The following AKAP19 variants were observed in gnomAD, a reference collection of about 807,000 sequenced individuals.
AKAP19 encodes the protein small A-kinase anchoring protein.
the AKAP19 span, among the ~76,000 whole-genome samples, chr2:189,951,989 CA>C: frequency 1.3e-5 from 2 of 152,182 alleles, no homozygotes; most frequent in African/African-American, 2.4e-5. Context: ...ACTAAACAAA[CA>C]AACTACACAA....
At chr2:190,048,918 A>G in the AKAP19 span, among the ~76,000 whole-genome samples, 117 of 152,344 alleles carry the variant, frequency 7.7e-4, no homozygotes, top group African/African-American at 2.7e-3. Context: ...TGAATTAAAG[A>G]TTTTAAAAGT....
chr2:190,038,919 C>CT, the AKAP19 span, among the ~76,000 whole-genome samples: 542 of 126,606 alleles, frequency 4.3e-3, 15 homozygotes, highest in African/African-American at 0.019. Flanking sequence ...TCTTCTTCTT[C>CT]TTCTTCTTCT....
At chr2:190,109,631 C>T in the AKAP19 span, among the ~76,000 whole-genome samples, 6,070 of 152,220 alleles carry the variant, frequency 0.04, 406 homozygotes, top group African/African-American at 0.14. Flanking sequence ...AAATAATCAT[C>T]AAGTGCAGAG....
the AKAP19 span, among the ~76,000 whole-genome samples, chr2:189,998,148 G>A: frequency 6.6e-6 from 1 of 152,110 alleles, no homozygotes; most frequent in African/African-American, 2.4e-5. Flanking sequence ...TTTTTTGTCT[G>A]TCTTACAGAA....
At chr2:190,094,756 T>C in the AKAP19 span, among the ~76,000 whole-genome samples, 4 of 152,306 alleles carry the variant, frequency 2.6e-5, no homozygotes, top group African/African-American at 9.6e-5. Flanking sequence ...ATCCAAGTCA[T>C]GTATTTTGAA....
the AKAP19 span, among the ~76,000 whole-genome samples, chr2:190,121,892 T>TTTTG: frequency 2.0e-5 from 3 of 152,186 alleles, no homozygotes; most frequent in Non-Finnish European, 2.9e-5. Flanking sequence ...TTTTGTGTTT[T>TTTTG]TTTGTTTGTT....
chr2:189,994,356 C>T, the AKAP19 span, among the ~76,000 whole-genome samples: 1 of 151,606 alleles, frequency 6.6e-6, no homozygotes, highest in Admixed American at 6.6e-5. Flanking sequence ...TGGGTTTGTT[C>T]TTGTTTCTCT....
chr2:190,168,137 T>G, the AKAP19 span, among the ~76,000 whole-genome samples: 2 of 152,208 alleles, frequency 1.3e-5, no homozygotes, highest in African/African-American at 4.8e-5. Context: ...AAACCTCAAT[T>G]CTTAACGTCT....
the AKAP19 span, among the ~76,000 whole-genome samples, chr2:190,138,297 T>C: frequency 2.6e-5 from 4 of 152,206 alleles, no homozygotes; most frequent in African/African-American, 9.6e-5. Flanking sequence ...CTAGAGGTTA[T>C]GCCAGAACTT....
the AKAP19 span, among the ~76,000 whole-genome samples, chr2:189,982,766 G>T: frequency 6.6e-6 from 1 of 151,734 alleles, no homozygotes; most frequent in African/African-American, 2.4e-5. Context: ...TTGCTTTTAG[G>T]GGGCCAAGGC....
the AKAP19 span, among the ~76,000 whole-genome samples, chr2:189,911,288 A>G: frequency 1.3e-5 from 2 of 152,152 alleles, no homozygotes; most frequent in Admixed American, 1.3e-4. Context: ...ACATATGGTT[A>G]TAATTATGTA....
the AKAP19 span, among the ~76,000 whole-genome samples, chr2:189,989,540 G>T: frequency 1.3e-5 from 2 of 151,986 alleles, no homozygotes; most frequent in Admixed American, 1.3e-4. Flanking sequence ...ATTTCTGTCA[G>T]ACAAAATGTT....
At chr2:189,935,776 T>C in the AKAP19 span, among the ~76,000 whole-genome samples, 1 of 152,152 alleles carries the variant, frequency 6.6e-6, no homozygotes, top group Non-Finnish European at 1.5e-5. Flanking sequence ...ATTCAATGAC[T>C]TGTTCTTTAA....
the AKAP19 span, among the ~76,000 whole-genome samples, chr2:190,198,200 A>C: frequency 6.6e-6 from 1 of 152,192 alleles, no homozygotes; most frequent in African/African-American, 2.4e-5. Context: ...TATTAGGGGT[A>C]GGAACAGATG....
chr2:190,010,209 A>C, the AKAP19 span, among the ~76,000 whole-genome samples: 1 of 152,238 alleles, frequency 6.6e-6, no homozygotes, highest in African/African-American at 2.4e-5. Flanking sequence ...ACACAAGTGG[A>C]TAATTTTACT....
chr2:189,950,485 G>A, the AKAP19 span, among the ~76,000 whole-genome samples: 141,101 of 152,008 alleles, frequency 0.93, 65,529 homozygotes, highest in East Asian at 0.97. Flanking sequence ...TTCAGACCAG[G>A]CTTATCTTAG....
At chr2:189,971,639 G>A in the AKAP19 span, among the ~76,000 whole-genome samples, 2 of 152,076 alleles carry the variant, frequency 1.3e-5, no homozygotes, top group East Asian at 3.9e-4. Flanking sequence ...ATCCTCTCCA[G>A]CACCTGTTGT....
At chr2:190,103,106 T>A in the AKAP19 span, among the ~76,000 whole-genome samples, 2 of 152,110 alleles carry the variant, frequency 1.3e-5, no homozygotes, top group Non-Finnish European at 2.9e-5. Context: ...ATTATTTCAA[T>A]AGATACAGAA....
the AKAP19 span, among the ~76,000 whole-genome samples, chr2:189,906,374 C>G: frequency 6.6e-6 from 1 of 151,912 alleles, no homozygotes; most frequent in Non-Finnish European, 1.5e-5. Flanking sequence ...AATCTCACCC[C>G]CTGGAAATAG....
Sources: gnomAD v4.1 joint callset for allele counts (sites outside exome capture counted in the v4.1 genomes callset) on GRCh38, gnomAD v4.1.1 for gene constraint, MANE v1.5 for transcripts, NCBI Gene and HGNC (gene_info 2026-07-23, HGNC 2026-07-21) for gene names.